Variants in UBP1 observed in about 807,000 individuals in gnomAD.
The protein encoded by UBP1 is upstream-binding protein 1.
In UBP1, 22 loss-of-function variants were observed where a neutral mutation model predicts 76.1. The ratio of observed to expected loss-of-function variants is 0.29; its 90% CI spans 0.21 to 0.41. The LOEUF (loss-of-function observed/expected upper bound fraction) is 0.41. Among genes scored for constraint, UBP1 ranks in the 10% least tolerant of loss-of-function variants. The probability of loss-of-function intolerance (pLI) is 1.00; values close to 1 mark genes in which losing one functional copy is unlikely to be tolerated. For synonymous variants in UBP1, 224 were observed against 237.1 expected (o/e 0.94, Z 0.51); for missense variants, 436 against 668.1 (o/e 0.65, Z 3.83).
Position 33,390,194 on chromosome 3 carries a change from T to A in UBP1, c.*137A>T. 1.2e-6 allele frequency: 1 copy of A among 844,954 alleles called. No individual in the cohort carries two copies. Among genetic ancestry groups the A allele is most frequent in the Non-Finnish European group, 1.9e-6 (1 of 535,388 alleles). The allele number at this position is 844,954 out of a possible 1,614,324, so 52.3% of individuals were successfully genotyped here. A position where few individuals can be genotyped will look rare whatever the true frequency, so the allele number is the denominator to read the frequency against. ...GAGATTCACCTCTCATACAGCTCATTAGAAAGGTCATCTTGTGTTTTCAAT... is the reference window on the plus strand; with the variant it reads ...GAGATTCACCTCTCATACAGCTCATAAGAAAGGTCATCTTGTGTTTTCAAT... On this transcript the variant is annotated 3_prime_UTR_variant, in exon 16 of 16. Coordinates refer to ENST00000283629, the MANE Select transcript of UBP1 (RefSeq NM_014517.5).
At chr3:33,394,524 G>T (rs1046321992) in intron 13 of UBP1, among the ~76,000 whole-genome samples, 1 of 145,544 alleles carries the variant, frequency 6.9e-6, no homozygotes, top group Non-Finnish European at 1.5e-5. Context: ...ACATTCCAGT[G>T]TTCTGCATTT....
rs1287024927 is a variant in UBP1 at position 33,400,933 on chromosome 3, T to C, written c.1086+29A>G. ...TTTAAAATGTAGAACCCTGAAAGCATCAGATAGTTTTAGGAGAAAGATACT... is the reference window on the plus strand; with the variant it reads ...TTTAAAATGTAGAACCCTGAAAGCACCAGATAGTTTTAGGAGAAAGATACT... On this transcript the variant is annotated intron_variant, in intron 10 of 15. Transcript: ENST00000283629. The C allele has an allele frequency of 1.3e-6, 2 of 1,587,960 alleles. 1 individual carries two copies. Among genetic ancestry groups the C allele is most frequent in the South Asian group, 2.3e-5 (2 of 85,656 alleles).
chr3:33,430,115 A>T (rs2045088415), intron 1 of UBP1, among the ~76,000 whole-genome samples: 1 of 152,220 alleles, frequency 6.6e-6, no homozygotes, highest in Non-Finnish European at 1.5e-5. Flanking sequence ...GTTGTCAGAG[A>T]ACACATATAT....
At chr3:33,428,251 C>T (rs1311521219) in intron 1 of UBP1, among the ~76,000 whole-genome samples, 1 of 149,808 alleles carries the variant, frequency 6.7e-6, no homozygotes, top group African/African-American at 2.5e-5. Context: ...GTCAAATTGG[C>T]TCCAGGGAAG....
At chr3:33,418,846 C>T (rs1043336438) in intron 2 of UBP1, among the ~76,000 whole-genome samples, 22 of 111,952 alleles carry the variant, frequency 2.0e-4, no homozygotes, top group Admixed American at 2.5e-4. Flanking sequence ...GCAACAAGAA[C>T]GAAACTCTGT....
intron 2 of UBP1, among the ~76,000 whole-genome samples, chr3:33,418,988 G>A (rs1040598763): frequency 4.6e-5 from 7 of 151,552 alleles, no homozygotes; most frequent in African/African-American, 1.7e-4. Flanking sequence ...CATATTGAAA[G>A]ACAACTTCCA....
intron 5 of UBP1, among the ~76,000 whole-genome samples, chr3:33,410,119 A>G (rs2044541572): frequency 6.6e-6 from 1 of 152,054 alleles, no homozygotes. Context: ...AAAACCCACT[A>G]CCCATCCTAT....
At chr3:33,440,635 C>T (rs982699788), upstream of UBP1, 1 of 152,368 alleles carries the variant, frequency 6.6e-6, no homozygotes, top group Non-Finnish European at 1.5e-5. Flanking sequence ...GTTTCCGCCC[C>T]TTCTAGCGAG....
At position 33,425,330 on chromosome 3, in the gene UBP1, C is replaced by T. The variant is rs144752093; in HGVS notation, c.265+260G>A. ...CCCTAAAAATAACTGACTTCCTTTCCTACTTGCTAGTCCTTTGGATTATGT... is the reference window on the plus strand; with the variant it reads ...CCCTAAAAATAACTGACTTCCTTTCTTACTTGCTAGTCCTTTGGATTATGT... On this transcript the variant is annotated intron_variant, in intron 2 of 15. Coordinates refer to ENST00000283629, the MANE Select transcript of UBP1 (RefSeq NM_014517.5). 7.2e-5 allele frequency among the ~76,000 whole-genome samples: 11 copies of T among 152,256 alleles called. No individual in the cohort carries two copies. The East Asian group carries it at 1.9e-3, about 27-fold the overall frequency.
At chr3:33,424,785 C>A (rs940936725) in intron 2 of UBP1, among the ~76,000 whole-genome samples, 1 of 152,234 alleles carries the variant, frequency 6.6e-6, no homozygotes, top group Non-Finnish European at 1.5e-5. Context: ...ATGGCTCACG[C>A]CTGTAATCCC....
At chr3:33,441,384 T>G (rs888023628), upstream of UBP1, 19 of 152,258 alleles carry the variant, frequency 1.2e-4, no homozygotes, top group African/African-American at 4.6e-4. Flanking sequence ...ACTTACTGCC[T>G]AAGAATAAGA....
At chr3:33,392,668 T>TA in intron 14 of UBP1, 54 bp from the exon 15 acceptor site, 2 of 1,497,736 alleles carry the variant, frequency 1.3e-6, no homozygotes, top group Non-Finnish European at 1.8e-6. Context: ...TGTCGTTTCT[T>TA]AAAATGATTT....
intron 7 of UBP1, 63 bp from the exon 8 acceptor site, chr3:33,408,860 CT>C: frequency 7.4e-7 from 1 of 1,360,160 alleles, no homozygotes; most frequent in Middle Eastern, 1.8e-4. Flanking sequence ...ATCTAACACC[CT>C]GTTTCATGTC....
At chr3:33,426,978 T>C (rs980922911) in intron 1 of UBP1, among the ~76,000 whole-genome samples, 1 of 152,234 alleles carries the variant, frequency 6.6e-6, no homozygotes, top group Non-Finnish European at 1.5e-5. Flanking sequence ...ATTTTACTTA[T>C]TTTATTGGAG....
At chr3:33,430,284 G>A (rs373412868) in intron 1 of UBP1, among the ~76,000 whole-genome samples, 5 of 152,200 alleles carry the variant, frequency 3.3e-5, no homozygotes, top group Non-Finnish European at 7.3e-5. Flanking sequence ...CCTTGTGGGT[G>A]TAGGATACAG....
chr3:33,417,143 T>C (rs2044750104), intron 2 of UBP1, among the ~76,000 whole-genome samples: 2 of 152,232 alleles, frequency 1.3e-5, no homozygotes, highest in East Asian at 1.9e-4. Flanking sequence ...AGATATAGTT[T>C]ACATACCATA....
chr3:33,400,363 G>C, intron 10 of UBP1, 81 bp from the exon 11 acceptor site: 1 of 1,149,084 alleles, frequency 8.7e-7, no homozygotes, highest in Non-Finnish European at 1.2e-6. Flanking sequence ...AAGCCTCGGA[G>C]TCTGAAGTAA....
chr3:33,404,444 T>C lies in UBP1; in HGVS notation c.928-1540A>G, dbSNP rs1005407278. ...ATGAAAATAGATAAATAAGTAAATA[T>C]AATGAAGACTCTCCCAAAGCCAAGC... is the stretch of plus-strand genomic sequence containing the variant. On this transcript the variant is annotated intron_variant, in intron 8 of 15. Transcript: ENST00000283629. 4.0e-5 allele frequency among the ~76,000 whole-genome samples: 6 copies of C among 148,596 alleles called. No individual in the cohort carries two copies. The East Asian group carries it at 1.2e-3, about 30-fold the overall frequency.
intron 11 of UBP1, chr3:33,398,416 C>T (rs764800341): frequency 6.6e-5 from 10 of 152,234 alleles, no homozygotes; most frequent in Non-Finnish European, 1.0e-4. Context: ...CTAGGGCTTA[C>T]TACATGCACC....
Sources: allele counts gnomAD v4.1 joint callset (sites outside exome capture counted in the v4.1 genomes callset), GRCh38; gene constraint gnomAD v4.1.1; transcripts MANE v1.5; gene names NCBI Gene and HGNC (gene_info 2026-07-23, HGNC 2026-07-21).